ADARB1: variants seen among roughly 807,000 people sequenced by gnomAD.
The protein encoded by ADARB1 is double-stranded RNA-specific editase 1.
Under a neutral mutation model 52.4 loss-of-function variants are expected in ADARB1, and 10 were observed. The ratio of observed to expected loss-of-function variants is 0.19; its 90% CI spans 0.12 to 0.32. The LOEUF is 0.32. Among genes scored for constraint, ADARB1 ranks in the 10% least tolerant of loss-of-function variants. The pLI, the probability that ADARB1 is intolerant of heterozygous loss-of-function variation, is 1.00. For missense variants in ADARB1, 643 were observed against 922.3 expected, an observed-to-expected ratio of 0.70 and a Z score of 3.92; for synonymous variants, 349 against 371.1, an observed-to-expected ratio of 0.94 and a Z score of 0.68.
chr21:45,121,230 T>C (rs2088162263), intron 1 of ADARB1, among the ~76,000 whole-genome samples: 1 of 152,252 alleles, frequency 6.6e-6, no homozygotes, highest in Non-Finnish European at 1.5e-5. Context: ...GCTGCTTCCT[T>C]TTATAGCCAC....
At chr21:45,182,172 T>A (rs1362964552) in intron 5 of ADARB1, among the ~76,000 whole-genome samples, 2 of 152,078 alleles carry the variant, frequency 1.3e-5, no homozygotes, top group Non-Finnish European at 2.9e-5. Context: ...TAACCCCTCC[T>A]TCCTAATCTC....
intron 2 of ADARB1, chr21:45,152,805 G>C (rs1454810488): frequency 5.5e-6 from 1 of 180,816 alleles, no homozygotes; most frequent in Non-Finnish European, 1.2e-5. Context: ...AATTAATCTT[G>C]CTGATGCCAG....
intron 2 of ADARB1, among the ~76,000 whole-genome samples, chr21:45,148,815 T>A (rs2090137732): frequency 6.6e-6 from 1 of 152,174 alleles, no homozygotes; most frequent in Non-Finnish European, 1.5e-5. Flanking sequence ...CCTGGCGAGA[T>A]CTCTGCATCA....
chr21:45,193,147 T>C (rs1008465933), intron 8 of ADARB1, among the ~76,000 whole-genome samples: 2 of 152,280 alleles, frequency 1.3e-5, no homozygotes, highest in Non-Finnish European at 1.5e-5. Context: ...AAAATAAAAC[T>C]ACATGTTAAA....
chr21:45,080,047 T>G (rs1264562137), intron 1 of ADARB1, among the ~76,000 whole-genome samples: 1 of 152,144 alleles, frequency 6.6e-6, no homozygotes, highest in Non-Finnish European at 1.5e-5. Context: ...GAGGGGTTCT[T>G]TTCTTCTTAT....
At chr21:45,177,155 G>C (rs938297968) in intron 4 of ADARB1, 14 of 159,424 alleles carry the variant, frequency 8.8e-5, no homozygotes, top group African/African-American at 3.4e-4. Context: ...GGCAGCCTCT[G>C]GGCTCCCACA....
chr21:45,076,409 A>G (rs1487514222), intron 1 of ADARB1, among the ~76,000 whole-genome samples: 2 of 152,166 alleles, frequency 1.3e-5, no homozygotes. Flanking sequence ...AAAGGAATGC[A>G]TTGTCTGTGA....
chr21:45,080,303 T>C (rs527578957), intron 1 of ADARB1, among the ~76,000 whole-genome samples: 2 of 152,314 alleles, frequency 1.3e-5, no homozygotes, highest in South Asian at 4.1e-4. Context: ...TATGAGCTAA[T>C]AGGAATGATC....
intron 1 of ADARB1, among the ~76,000 whole-genome samples, chr21:45,125,765 C>T (rs2088538082): frequency 6.6e-6 from 1 of 152,252 alleles, no homozygotes; most frequent in Non-Finnish European, 1.5e-5. Flanking sequence ...CACTGGTTCA[C>T]TGCATTGTCT....
In ADARB1 at chr21:45,158,051, G is replaced by A. The variant is rs546155726; in HGVS notation, c.-47-13559G>A. 5.9e-5 allele frequency among the ~76,000 whole-genome samples: 9 copies of A among 152,296 alleles called. No homozygotes were observed. The East Asian group carries it at 1.2e-3, about 20-fold the overall frequency. Reference sequence around the variant, plus strand: ...CGGGGTGATCACTGATTGTTGTTTCGTTGGTCTGGCTGTGGCTCTTCTTGG... The same window carrying A: ...CGGGGTGATCACTGATTGTTGTTTCATTGGTCTGGCTGTGGCTCTTCTTGG... On this transcript the variant is annotated intron_variant, in intron 2 of 10. Transcript: ENST00000348831.
chr21:45,084,872 A>G (rs1345704429), intron 1 of ADARB1, among the ~76,000 whole-genome samples: 1 of 152,162 alleles, frequency 6.6e-6, no homozygotes, highest in Admixed American at 6.5e-5. Flanking sequence ...AGTCACTTAG[A>G]GTGAGTTGAT....
rs149552510 is a variant in ADARB1 at position 45,176,531 on chromosome 21, C to T, written c.830C>T (p.Ser277Leu). Residue 277 changes from serine to leucine, a missense_variant, in exon 4 of 11, where the codon TCG becomes TTG. Ser to Leu is a moderately radical substitution (Grantham distance 145). Transcript: ENST00000348831. The surrounding 1 kb of genome is among the most constrained non-coding windows in gnomAD (Gnocchi z 5.8). Reference protein sequence around the residue: ...VVVDGQFFEGSGRNKKLAKAR... With the variant: ...VVVDGQFFEGLGRNKKLAKAR... Reference sequence around the variant, plus strand: ...GTGGATGGTCAGTTCTTTGAAGGCTCGGGGAGAAACAAGAAGCTTGCCAAG... The same window carrying T: ...GTGGATGGTCAGTTCTTTGAAGGCTTGGGGAGAAACAAGAAGCTTGCCAAG... 1.9e-5 allele frequency: 30 copies of T among 1,614,130 alleles called. No individual in the cohort carries two copies. The highest frequency in any genetic ancestry group is 2.2e-5 in the Non-Finnish European group (26 of 1,180,028).
chr21:45,144,792 A>G, intron 2 of ADARB1: 1 of 344,864 alleles, frequency 2.9e-6, no homozygotes, highest in Non-Finnish European at 5.8e-6. Context: ...GCTGGCACAC[A>G]GATTTACCAC....
intron 8 of ADARB1, among the ~76,000 whole-genome samples, chr21:45,189,493 T>C (rs1307444133): frequency 1.3e-5 from 2 of 152,200 alleles, no homozygotes; most frequent in Admixed American, 1.3e-4. Flanking sequence ...TACAATAGTA[T>C]TGGTTACTGT....
In ADARB1 at chr21:45,157,264, A is replaced by G. The variant is rs918683644; in HGVS notation, c.-47-14346A>G. ...TTTGTGAAATTGCACTTGAAATACC[A>G]TGGAAATTGGATCCAAAGCAGATTG... On this transcript the variant is annotated intron_variant, in intron 2 of 10. Coordinates refer to ENST00000348831, the MANE Select transcript of ADARB1 (RefSeq NM_001112.4). The surrounding 1 kb of genome is among the most constrained non-coding windows in gnomAD (Gnocchi z 4.1). Among the ~76,000 whole-genome samples the G allele has an allele frequency of 2.6e-5, 4 of 152,272 alleles. No homozygotes were observed. The highest frequency in any genetic ancestry group is 7.2e-5 in the African/African-American group (3 of 41,476).
At chr21:45,107,493 A>G (rs1416280913) in intron 1 of ADARB1, among the ~76,000 whole-genome samples, 3 of 152,264 alleles carry the variant, frequency 2.0e-5, no homozygotes, top group Non-Finnish European at 4.4e-5. Flanking sequence ...TAGTGTGGCA[A>G]GGTTGCATGA....
At chr21:45,083,769 AC>A (rs921789753) in intron 1 of ADARB1, among the ~76,000 whole-genome samples, 6 of 152,092 alleles carry the variant, frequency 3.9e-5, no homozygotes, top group African/African-American at 1.4e-4. Context: ...ATCATAGCTC[AC>A]TGTAGCCACA....
chr21:45,130,277 T>C (rs2088849080), intron 2 of ADARB1, among the ~76,000 whole-genome samples: 1 of 152,234 alleles, frequency 6.6e-6, no homozygotes, highest in African/African-American at 2.4e-5. Context: ...TTTTATATAA[T>C]ATAACTGTGC....
At chr21:45,082,209 T>G (rs1314851085) in intron 1 of ADARB1, among the ~76,000 whole-genome samples, 2 of 152,202 alleles carry the variant, frequency 1.3e-5, no homozygotes, top group Non-Finnish European at 2.9e-5. Context: ...TGCAAAGCAG[T>G]TGTCATCTAA....
Sources: gnomAD v4.1 joint callset for allele counts (sites outside exome capture counted in the v4.1 genomes callset) on GRCh38, gnomAD v4.1.1 for gene constraint, Gnocchi (gnomAD v3.1) non-coding constraint, MANE v1.5 for transcripts, NCBI Gene and HGNC (gene_info 2026-07-23, HGNC 2026-07-21) for gene names.